The following AGXT2 variants were observed in gnomAD, a reference collection of about 807,000 sequenced individuals.
AGXT2 encodes the protein alanine--glyoxylate aminotransferase 2, mitochondrial.
A neutral mutation model predicts 62.5 loss-of-function variants in AGXT2; 61 were observed. The observed-to-expected ratio is 0.98, with a 90% confidence interval of 0.79 to 1.21. The LOEUF (loss-of-function observed/expected upper bound fraction) is 1.21, where lower values mean the gene tolerates loss of function less well. AGXT2 is among the 50% of genes most tolerant of loss of function. The pLI is 0.00. For synonymous variants in AGXT2, 243 were observed against 218.7 expected (o/e 1.11, Z -0.98); for missense variants, 666 against 641.5 (o/e 1.04, Z -0.41).
At chr5:35,038,177 G>A (rs1206683367) in intron 3 of AGXT2, among the ~76,000 whole-genome samples, 2 of 152,144 alleles carry the variant, frequency 1.3e-5, no homozygotes, top group Non-Finnish European at 1.5e-5. Flanking sequence ...CCTTTTCCAC[G>A]GAAACTCCTG....
chr5:35,044,714 T>C (rs929521738), intron 1 of AGXT2, among the ~76,000 whole-genome samples: 2 of 152,148 alleles, frequency 1.3e-5, no homozygotes. Flanking sequence ...ACAGGGGCAG[T>C]TGTGGCTGTC....
chr5:35,032,249 G>C (rs1000801260), intron 7 of AGXT2, among the ~76,000 whole-genome samples: 1 of 151,444 alleles, frequency 6.6e-6, no homozygotes, highest in Non-Finnish European at 1.5e-5. Flanking sequence ...ACCATGCCCC[G>C]CCGGGCCTTG....
rs1180092709 is a variant in AGXT2 at position 35,021,795 on chromosome 5, A to C, written c.963+3968T>G. 2.0e-5 allele frequency among the ~76,000 whole-genome samples: 3 copies of C among 152,140 alleles called. No homozygotes were observed. In the East Asian group the frequency reaches 5.8e-4, roughly 29 times the overall value. ...ATCAGAGTGAACAGGCAACCTACAA[A>C]ACGGGAGAAAATTTTCGCAACCTAC... On this transcript the variant is annotated intron_variant, in intron 9 of 13. Coordinates refer to ENST00000231420, the MANE Select transcript of AGXT2 (RefSeq NM_031900.4).
intron 7 of AGXT2, chr5:35,027,185 C>T (rs1767389939): frequency 1.2e-5 from 2 of 173,040 alleles, no homozygotes; most frequent in South Asian, 1.9e-4. Context: ...GTTTGGTACA[C>T]TGTAGGTGGT....
At chr5:35,013,554 G>C (rs1766724656) in intron 10 of AGXT2, among the ~76,000 whole-genome samples, 1 of 152,088 alleles carries the variant, frequency 6.6e-6, no homozygotes, top group Non-Finnish European at 1.5e-5. Flanking sequence ...GGGAGGCCAA[G>C]GTCAAACACC....
At chr5:35,042,032 G>T (rs1482769471) in intron 1 of AGXT2, among the ~76,000 whole-genome samples, 3 of 151,950 alleles carry the variant, frequency 2.0e-5, no homozygotes, top group Non-Finnish European at 4.4e-5. Flanking sequence ...CTTCTGAGAT[G>T]GAAAAAAAAT....
chr5:35,023,177 GAA>G (rs1479364865), intron 9 of AGXT2, among the ~76,000 whole-genome samples: 1 of 36,256 alleles, frequency 2.8e-5, no homozygotes, highest in Non-Finnish European at 1.3e-4. Flanking sequence ...AAAAAAAAAA[GAA>G]AAAAGAAAAA....
At chr5:35,040,958 C>G (rs1561235518) in intron 1 of AGXT2, among the ~76,000 whole-genome samples, 1 of 152,158 alleles carries the variant, frequency 6.6e-6, no homozygotes, top group Middle Eastern at 3.4e-3. Context: ...CGTGTCGATT[C>G]TCTCATCAGT....
At chr5:35,009,364 G>A (rs935296260) in intron 12 of AGXT2, among the ~76,000 whole-genome samples, 5 of 152,126 alleles carry the variant, frequency 3.3e-5, no homozygotes, top group Non-Finnish European at 1.5e-5. Flanking sequence ...AGGAGGCCAC[G>A]GTGGGCAGAT....
intron 13 of AGXT2, among the ~76,000 whole-genome samples, chr5:35,002,497 A>G (rs1766264860): frequency 1.3e-5 from 2 of 152,158 alleles, no homozygotes; most frequent in African/African-American, 4.8e-5. Context: ...TTGAATTCCT[A>G]TGTTGGAACC....
intron 9 of AGXT2, among the ~76,000 whole-genome samples, chr5:35,018,118 G>T (rs1229015085): frequency 5.3e-5 from 8 of 152,200 alleles, no homozygotes; most frequent in East Asian, 1.9e-4. Flanking sequence ...GAAAGTGACA[G>T]GGAGAATGGA....
At chr5:35,014,967 C>A (rs548784998) in intron 9 of AGXT2, among the ~76,000 whole-genome samples, 127 of 152,286 alleles carry the variant, frequency 8.3e-4, no homozygotes, top group African/African-American at 2.8e-3. Context: ...CCAGACGAGG[C>A]AGTTAACTCA....
At position 35,014,474 on chromosome 5, in the gene AGXT2, A is replaced by G. The variant is rs779879732; in HGVS notation, c.964-355T>C. ...TCTCAAAAAAAAAAAAAAAAAAAAG[A>G]AATGCTGTTTTCTTCTCTGTTCTCT... On this transcript the variant is annotated intron_variant, in intron 9 of 13. Transcript: ENST00000231420. Among the ~76,000 whole-genome samples, 115 of 143,302 alleles carry G rather than the reference A, an allele frequency of 8.0e-4. 1 individual carries two copies. Among genetic ancestry groups the G allele is most frequent in the Non-Finnish European group, 1.4e-3 (91 of 65,562 alleles). The allele number at this position is 143,302 out of a possible 152,430, so 94.0% of individuals were successfully genotyped here.
At chr5:35,044,547 A>G (rs1205358038) in intron 1 of AGXT2, among the ~76,000 whole-genome samples, 2 of 152,210 alleles carry the variant, frequency 1.3e-5, no homozygotes, top group African/African-American at 4.8e-5. Flanking sequence ...GGCGGTTCCT[A>G]CCAGAAGTTA....
chr5:35,039,371 C>A lies in AGXT2; in HGVS notation c.315G>T (p.Leu105=). ...CAGTAACAATCCCGGAAAAGAAATC[C>A]AGGTATCTGCTTCCTTCAGCATCAA... The part of the protein sequence containing the change: ...WLFDAEGSRY[L]DFFSGIVTVS... The change falls in exon 3 of 14, where the codon CTG becomes CTT. Residue 105 remains leucine, a synonymous_variant. Coordinates refer to ENST00000231420, the MANE Select transcript of AGXT2 (RefSeq NM_031900.4). 1.9e-6 allele frequency: 3 copies of A among 1,614,110 alleles called. No homozygotes were observed. In the South Asian group the frequency reaches 3.3e-5, roughly 18 times the overall value.
At chr5:35,018,511 A>T (rs1326689974) in intron 9 of AGXT2, among the ~76,000 whole-genome samples, 2 of 152,228 alleles carry the variant, frequency 1.3e-5, no homozygotes, top group Admixed American at 6.5e-5. Context: ...TACTTTACAA[A>T]CAAGCAAATG....
chr5:35,038,316 G>A (rs887182884), intron 3 of AGXT2, among the ~76,000 whole-genome samples: 4 of 152,164 alleles, frequency 2.6e-5, no homozygotes, highest in Non-Finnish European at 4.4e-5. Flanking sequence ...TAGAAAAGAT[G>A]GCCTCCCATT....
At chr5:35,012,925 G>A (rs368015775) in intron 11 of AGXT2, 29 bp downstream of exon 11, 17 of 1,539,790 alleles carry the variant, frequency 1.1e-5, no homozygotes, top group Non-Finnish European at 1.4e-5. Flanking sequence ...TGTGAAATGA[G>A]TGAGGTTAAT....
At chr5:35,037,268 C>G (rs1203276498) in intron 3 of AGXT2, among the ~76,000 whole-genome samples, 2 of 152,170 alleles carry the variant, frequency 1.3e-5, no homozygotes, top group Non-Finnish European at 2.9e-5. Context: ...GAATTCCTCT[C>G]CAAGAGCAGG....
Sources: allele counts gnomAD v4.1 joint callset (sites outside exome capture counted in the v4.1 genomes callset), GRCh38; gene constraint gnomAD v4.1.1; transcripts MANE v1.5; gene names NCBI Gene and HGNC (gene_info 2026-07-23, HGNC 2026-07-21).